The following NLRP5 variants were observed in gnomAD, a reference collection of about 807,000 sequenced individuals.
NLRP5 encodes the protein NACHT, LRR and PYD domains-containing protein 5.
NLRP5 carries 93 observed loss-of-function variants against 113.1 expected under a neutral mutation model. The observed-to-expected ratio is 0.82, with a 90% confidence interval of 0.70 to 0.98. NLRP5 has a LOEUF of 0.98. Ranked by LOEUF, NLRP5 falls within the 50% of genes least tolerant of loss-of-function variation. The pLI, the probability that NLRP5 is intolerant of heterozygous loss-of-function variation, is 0.00. For missense variants in NLRP5, 1,808 were observed against 1,514.3 expected (o/e 1.19, Z -3.22); for synonymous variants, 751 against 600.7 (o/e 1.25, Z -3.66).
At chr19:56,060,970 G>A (rs1568507184) in intron 14 of NLRP5, among the ~76,000 whole-genome samples, 2 of 152,118 alleles carry the variant, frequency 1.3e-5, no homozygotes, top group Non-Finnish European at 2.9e-5. Context: ...AGATTAGTAG[G>A]TGATTGGAAG....
chr19:55,987,985 T>C, the NLRP5 span: 2 of 1,092,846 alleles, frequency 1.8e-6, no homozygotes, highest in Non-Finnish European at 2.8e-6. Context: ...TACCAGGCGT[T>C]ATCATCCTGT....
upstream of NLRP5, among the ~76,000 whole-genome samples, chr19:55,998,545 C>A (rs1981416005): frequency 6.6e-6 from 1 of 151,186 alleles, no homozygotes; most frequent in South Asian, 2.1e-4. Flanking sequence ...CCCAGCTACT[C>A]TGGAGGCTGA....
chr19:56,011,692 T>C (rs1982198659), intron 3 of NLRP5, among the ~76,000 whole-genome samples: 2 of 113,064 alleles, frequency 1.8e-5, no homozygotes, highest in Non-Finnish European at 4.0e-5. Flanking sequence ...TTCCTATGTC[T>C]TTTTTTTTTT....
the NLRP5 span, among the ~76,000 whole-genome samples, chr19:55,989,737 A>G: frequency 6.6e-6 from 1 of 152,138 alleles, no homozygotes; most frequent in Non-Finnish European, 1.5e-5. Flanking sequence ...GTGCATTTTT[A>G]AGGATGCAGG....
intron 7 of NLRP5, among the ~76,000 whole-genome samples, chr19:56,029,684 C>T (rs541073220): frequency 4.6e-5 from 7 of 152,296 alleles, no homozygotes; most frequent in South Asian, 4.1e-4. Context: ...ACAGCAGTGA[C>T]GAATGTGGAC....
chr19:56,032,635 G>A lies in NLRP5; in HGVS notation c.2301G>A (p.Glu767=), dbSNP rs1295583215. ...GGATGCGGGATAAGACCCTCATTGA[G>A]GAGCAGTGGGAAGATTTCTGCTCCA... The change falls in exon 8 of 15, where the codon GAG becomes GAA. Residue 767 remains glutamate, a synonymous_variant. Transcript: ENST00000390649. 6.2e-7 allele frequency: 1 copy of A among 1,613,540 alleles called. No homozygotes were observed. Among genetic ancestry groups the A allele is most frequent in the Non-Finnish European group, 8.5e-7 (1 of 1,179,774 alleles).
chr19:56,008,714 G>C (rs1982050364), intron 2 of NLRP5, 74 bp from the exon 3 acceptor site: 2 of 1,321,788 alleles, frequency 1.5e-6, no homozygotes, highest in Admixed American at 3.9e-5. Context: ...TTGGACACGG[G>C]ACATTCTTAT....
At chr19:56,046,348 T>C (rs1440153750) in intron 11 of NLRP5, among the ~76,000 whole-genome samples, 1 of 151,886 alleles carries the variant, frequency 6.6e-6, no homozygotes, top group Non-Finnish European at 1.5e-5. Context: ...AGCTAGCATT[T>C]TGTTAAGGAT....
At chr19:55,998,714 G>GTATA (rs1555762453), upstream of NLRP5, among the ~76,000 whole-genome samples, 299 of 75,902 alleles carry the variant, frequency 3.9e-3, 23 homozygotes, top group African/African-American at 0.015. Flanking sequence ...GTGTGTGTGT[G>GTATA]TATATATATA....
At chr19:56,014,576 G>C (rs1385644987) in intron 3 of NLRP5, among the ~76,000 whole-genome samples, 1 of 151,936 alleles carries the variant, frequency 6.6e-6, no homozygotes, top group African/African-American at 2.4e-5. Flanking sequence ...AAAACATTTA[G>C]GTCTTTAAAC....
At chr19:56,037,837 G>A (rs1983376374) in intron 9 of NLRP5, among the ~76,000 whole-genome samples, 188 bp from the exon 10 acceptor site, 2 of 152,114 alleles carry the variant, frequency 1.3e-5, no homozygotes, top group Admixed American at 1.3e-4. Context: ...TGAACCCCAT[G>A]AAAACCTGAG....
chr19:56,053,950 C>G (rs892356647), intron 13 of NLRP5, 142 bp downstream of exon 13: 4 of 688,782 alleles, frequency 5.8e-6, no homozygotes, highest in Non-Finnish European at 9.9e-6. Flanking sequence ...CGCAGCACCA[C>G]AGATCTGGGT....
chr19:56,033,434 CAATT>C (rs1205632201), intron 8 of NLRP5, 104 bp from the exon 9 acceptor site: 1 of 835,592 alleles, frequency 1.2e-6, no homozygotes, highest in Non-Finnish European at 2.0e-6. Flanking sequence ...AAAGGAAATA[CAATT>C]AATTAGAAAT....
intron 4 of NLRP5, 71 bp downstream of exon 4, chr19:56,015,869 C>T (rs1982384867): frequency 1.7e-6 from 2 of 1,193,866 alleles, no homozygotes; most frequent in African/African-American, 3.0e-5. Context: ...TCATGTAGTT[C>T]AAAGGACGGG....
intron 11 of NLRP5, among the ~76,000 whole-genome samples, chr19:56,044,441 C>T (rs1983647080): frequency 6.6e-6 from 1 of 152,180 alleles, no homozygotes; most frequent in Admixed American, 6.5e-5. Context: ...TGTGGCTAGC[C>T]AATTATCTCA....
At chr19:56,035,626 A>C (rs1983282320) in intron 9 of NLRP5, among the ~76,000 whole-genome samples, 1 of 152,192 alleles carries the variant, frequency 6.6e-6, no homozygotes, top group African/African-American at 2.4e-5. Context: ...AAGTCTAACG[A>C]ATTTACCTTC....
Position 56,027,693 on chromosome 19 carries a change from T to G in NLRP5, c.1460T>G (p.Val487Gly), listed in dbSNP as rs1248028488. ...GTGGCCCTGCAGCTGCAGGACGTGGTGGGGGAGAGCGTCGCCCCCTTCAAC... is the reference window on the plus strand; with the variant it reads ...GTGGCCCTGCAGCTGCAGGACGTGGGGGGGGAGAGCGTCGCCCCCTTCAAC... Residue 487 changes from valine to glycine, a missense_variant, in exon 7 of 15, where the codon GTG becomes GGG. Physicochemically the swap from Val to Gly is moderately radical, Grantham distance 109. Transcript: ENST00000390649. 1 of 1,613,366 alleles carries G rather than the reference T, an allele frequency of 6.2e-7. No homozygotes were observed.
chr19:56,010,387 G>T (rs1322244602), intron 3 of NLRP5, among the ~76,000 whole-genome samples: 1 of 152,092 alleles, frequency 6.6e-6, no homozygotes, highest in Non-Finnish European at 1.5e-5. Flanking sequence ...CTACCCTCAA[G>T]GAGCTTACAT....
intron 3 of NLRP5, among the ~76,000 whole-genome samples, chr19:56,013,866 T>C (rs866448147): frequency 1.3e-5 from 2 of 152,154 alleles, no homozygotes; most frequent in East Asian, 1.9e-4. Flanking sequence ...CTAGTAGTTA[T>C]GAAACATTGA....
Sources: gnomAD v4.1 joint callset for allele counts (sites outside exome capture counted in the v4.1 genomes callset) on GRCh38, gnomAD v4.1.1 for gene constraint, MANE v1.5 for transcripts, NCBI Gene and HGNC (gene_info 2026-07-23, HGNC 2026-07-21) for gene names.